TMTC1: variants seen among roughly 807,000 people sequenced by gnomAD.
TMTC1 encodes transmembrane O-mannosyltransferase targeting cadherins 1.
Under a neutral mutation model 104.8 loss-of-function variants are expected in TMTC1, and 73 were observed. The ratio of observed to expected loss-of-function variants is 0.70; its 90% CI spans 0.58 to 0.85. The LOEUF (loss-of-function observed/expected upper bound fraction) is 0.85, where lower values mean the gene tolerates loss of function less well. Ranked by LOEUF, TMTC1 falls within the 40% of genes least tolerant of loss-of-function variation. TMTC1 has a pLI of 0.00. For missense variants in TMTC1, 1,035 were observed against 1,096.1 expected (o/e 0.94, Z 0.79); for synonymous variants, 434 against 428.7 (o/e 1.01, Z -0.15).
intron 9 of TMTC1, among the ~76,000 whole-genome samples, chr12:29,570,879 A>ACCCCCC (rs1491187527): frequency 8.3e-6 from 1 of 120,400 alleles, no homozygotes; most frequent in Non-Finnish European, 1.7e-5. Context: ...AAAAACAGAA[A>ACCCCCC]CACCCCCCCC....
intron 5 of TMTC1, among the ~76,000 whole-genome samples, chr12:29,655,545 T>G (rs1211198329): frequency 6.6e-6 from 1 of 152,198 alleles, no homozygotes; most frequent in East Asian, 1.9e-4. Flanking sequence ...TTCCTCTCAG[T>G]TTGTCACATA....
intron 9 of TMTC1, among the ~76,000 whole-genome samples, chr12:29,566,889 G>T (rs1041443821): frequency 6.6e-6 from 1 of 152,160 alleles, no homozygotes; most frequent in African/African-American, 2.4e-5. Flanking sequence ...CTGGTGTAAA[G>T]TTCCCCTTCA....
At chr12:29,684,354 GTAAA>G (rs1485945318) in intron 5 of TMTC1, among the ~76,000 whole-genome samples, 1 of 152,012 alleles carries the variant, frequency 6.6e-6, no homozygotes, top group African/African-American at 2.4e-5. Context: ...AAAACTAACA[GTAAA>G]TAATTTCAGA....
Position 29,502,022 on chromosome 12 carries a change from T to A in TMTC1, c.*4824A>T, listed in dbSNP as rs1441033108. 6.6e-6 allele frequency: 1 copy of A among 152,160 alleles called. No individual in the cohort carries two copies. The highest frequency in any genetic ancestry group is 1.5e-5 in the Non-Finnish European group (1 of 68,024). 9.4% of individuals were successfully genotyped at this position (152,160 alleles called of 1,614,324 possible). On this transcript the variant is annotated 3_prime_UTR_variant, in exon 18 of 18. Coordinates refer to ENST00000539277, the MANE Select transcript of TMTC1 (RefSeq NM_001193451.2). ...TTTGCATCAAAAACGTCAAGAATAA[T>A]CATAAAATCTTATAATATTTCTCTA...
intron 5 of TMTC1, among the ~76,000 whole-genome samples, chr12:29,635,397 GA>G: frequency 6.6e-6 from 1 of 152,166 alleles, no homozygotes; most frequent in Admixed American, 6.5e-5. Context: ...AAACTTAGAA[GA>G]AAAAATTGGG....
intron 5 of TMTC1, among the ~76,000 whole-genome samples, chr12:29,666,000 A>G (rs1260148089): frequency 6.6e-6 from 1 of 151,978 alleles, no homozygotes; most frequent in Non-Finnish European, 1.5e-5. Context: ...TCCATGCTAT[A>G]TTCAGAGTTA....
intron 9 of TMTC1, among the ~76,000 whole-genome samples, chr12:29,560,662 T>C (rs1945355583): frequency 6.6e-6 from 1 of 152,152 alleles, no homozygotes; most frequent in African/African-American, 2.4e-5. Context: ...TTCTATGAGC[T>C]GAAGAAAAAT....
chr12:29,542,782 T>A (rs906526109), intron 10 of TMTC1, among the ~76,000 whole-genome samples: 2 of 152,080 alleles, frequency 1.3e-5, no homozygotes, highest in Non-Finnish European at 2.9e-5. Context: ...CTGGTTAATT[T>A]GCCCCATGAA....
At chr12:29,634,470 C>G (rs1296994756) in intron 5 of TMTC1, among the ~76,000 whole-genome samples, 4 of 152,092 alleles carry the variant, frequency 2.6e-5, no homozygotes, top group African/African-American at 9.7e-5. Context: ...CTGAAAACCC[C>G]CACTCCACCC....
chr12:29,727,380 T>A (rs993000278), intron 5 of TMTC1, among the ~76,000 whole-genome samples: 1 of 152,096 alleles, frequency 6.6e-6, no homozygotes, highest in Non-Finnish European at 1.5e-5. Flanking sequence ...TTTATTTTTA[T>A]TTATTTATTT....
At chr12:29,684,256 A>C (rs1941020353) in intron 5 of TMTC1, among the ~76,000 whole-genome samples, 1 of 152,210 alleles carries the variant, frequency 6.6e-6, no homozygotes, top group Non-Finnish European at 1.5e-5. Flanking sequence ...GAATTTCCAG[A>C]GCAGTTTTAT....
intron 7 of TMTC1, among the ~76,000 whole-genome samples, chr12:29,592,367 A>C (rs985726349): frequency 6.6e-6 from 1 of 152,236 alleles, no homozygotes; most frequent in Non-Finnish European, 1.5e-5. Flanking sequence ...ATTCCAAGAA[A>C]AGAATCCCCA....
chr12:29,657,794 G>C (rs1013958328), intron 5 of TMTC1, among the ~76,000 whole-genome samples: 1 of 152,120 alleles, frequency 6.6e-6, no homozygotes, highest in Non-Finnish European at 1.5e-5. Context: ...ATAAAGCAAA[G>C]ATCACTGGCA....
chr12:29,769,839 C>T (rs906076134), intron 1 of TMTC1, among the ~76,000 whole-genome samples: 9 of 152,060 alleles, frequency 5.9e-5, no homozygotes, highest in African/African-American at 2.2e-4. Context: ...AAGGTATGCA[C>T]TTTTGACTGA....
intron 5 of TMTC1, among the ~76,000 whole-genome samples, chr12:29,744,234 G>A (rs925356255): frequency 6.6e-6 from 1 of 152,108 alleles, no homozygotes; most frequent in South Asian, 2.1e-4. Flanking sequence ...GCCAAGAACC[G>A]ATACCCAATC....
intron 5 of TMTC1, among the ~76,000 whole-genome samples, chr12:29,680,218 G>A (rs931629896): frequency 4.6e-5 from 7 of 151,384 alleles, no homozygotes; most frequent in Admixed American, 1.3e-4. Context: ...GACTGAGCTC[G>A]TTATCTATTT....
chr12:29,626,512 T>C (rs1005698870), intron 6 of TMTC1, among the ~76,000 whole-genome samples: 4 of 152,196 alleles, frequency 2.6e-5, no homozygotes, highest in African/African-American at 7.2e-5. Context: ...ATGTATCAGA[T>C]GGTTACTTTA....
chr12:29,601,603 T>C (rs1249489344), intron 7 of TMTC1, among the ~76,000 whole-genome samples: 1 of 151,590 alleles, frequency 6.6e-6, no homozygotes, highest in Non-Finnish European at 1.5e-5. Flanking sequence ...GGAAGCAATA[T>C]AGTCTGGAAG....
chr12:29,750,094 C>CACACAT (rs3220877), intron 5 of TMTC1, among the ~76,000 whole-genome samples: 2 of 150,864 alleles, frequency 1.3e-5, no homozygotes, highest in African/African-American at 2.4e-5. Context: ...CACACACACA[C>CACACAT]AAACTCCAGT....
Sources: gnomAD v4.1 joint callset for allele counts (sites outside exome capture counted in the v4.1 genomes callset) on GRCh38, gnomAD v4.1.1 for gene constraint, MANE v1.5 for transcripts, NCBI Gene and HGNC (gene_info 2026-07-23, HGNC 2026-07-21) for gene names.